GRIN3A: variants seen among roughly 807,000 people sequenced by gnomAD.
GRIN3A encodes glutamate receptor ionotropic, NMDA 3A.
Under a neutral mutation model 92.4 loss-of-function variants are expected in GRIN3A, and 47 were observed. The ratio of observed to expected loss-of-function variants is 0.51; its 90% CI spans 0.40 to 0.65. The LOEUF is 0.65. GRIN3A is among the 30% of genes least tolerant of loss of function. The probability of loss-of-function intolerance (pLI) is 0.00; values close to 1 mark genes in which losing one functional copy is unlikely to be tolerated. For missense variants in GRIN3A, 1,324 were observed against 1,393.1 expected (o/e 0.95, Z 0.79); for synonymous variants, 527 against 540.6 (o/e 0.97, Z 0.35).
intron 5 of GRIN3A, among the ~76,000 whole-genome samples, chr9:101,616,265 C>T (rs60523933): frequency 0.12 from 18,294 of 152,106 alleles, 1,933 homozygotes; most frequent in African/African-American, 0.29. Context: ...GTTGAATTGG[C>T]AACAGCATTC....
intron 6 of GRIN3A, among the ~76,000 whole-genome samples, chr9:101,599,939 A>G (rs1299269791): frequency 6.6e-6 from 1 of 152,196 alleles, no homozygotes; most frequent in Non-Finnish European, 1.5e-5. Context: ...CTGTGGAACT[A>G]CTAGCTCGAG....
intron 3 of GRIN3A, among the ~76,000 whole-genome samples, chr9:101,631,084 G>T (rs900443576): frequency 6.6e-6 from 1 of 152,118 alleles, no homozygotes; most frequent in Admixed American, 6.5e-5. Context: ...ATCTATCACA[G>T]TTGCAGTTTT....
intron 1 of GRIN3A, among the ~76,000 whole-genome samples, chr9:101,734,484 TTAAC>T (rs898469142): frequency 6.6e-6 from 1 of 152,078 alleles, no homozygotes; most frequent in Non-Finnish European, 1.5e-5. Context: ...AAGTATGTAG[TTAAC>T]TAACTTACTT....
At chr9:101,689,732 A>G (rs1484337572) in intron 1 of GRIN3A, among the ~76,000 whole-genome samples, 1 of 143,456 alleles carries the variant, frequency 7.0e-6, no homozygotes, top group Admixed American at 7.4e-5. Context: ...ATACACATGC[A>G]CACACACACA....
intron 1 of GRIN3A, among the ~76,000 whole-genome samples, chr9:101,724,370 T>C (rs1830056834): frequency 1.3e-5 from 2 of 152,044 alleles, no homozygotes; most frequent in Admixed American, 6.5e-5. Flanking sequence ...GCTAAGCCCC[T>C]CATTGCCCAG....
At chr9:101,702,990 A>G (rs1829773444) in intron 1 of GRIN3A, among the ~76,000 whole-genome samples, 2 of 152,320 alleles carry the variant, frequency 1.3e-5, no homozygotes, top group African/African-American at 2.4e-5. Context: ...TTGCTTGTAC[A>G]GTAAGCCTCC....
chr9:101,613,017 C>T (rs1828387731), intron 6 of GRIN3A, among the ~76,000 whole-genome samples: 1 of 152,212 alleles, frequency 6.6e-6, no homozygotes, highest in African/African-American at 2.4e-5. Context: ...TTGAAGTACA[C>T]ATCATGTCCA....
In GRIN3A at chr9:101,737,640, C is replaced by T. The variant is rs369991777; in HGVS notation, c.340G>A (p.Gly114Arg). The T allele has an allele frequency of 7.5e-6, 12 of 1,609,726 alleles. No homozygotes were observed. The highest frequency in any genetic ancestry group is 1.7e-5 in the Admixed American group (1 of 59,788). The change falls in exon 1 of 9, where the codon GGG becomes AGG. Residue 114 changes from glycine to arginine, a missense_variant. Physicochemically the swap from Gly to Arg is moderately radical, Grantham distance 125. Coordinates refer to ENST00000361820, the MANE Select transcript of GRIN3A (RefSeq NM_133445.3). ...GRGPPGSRKPGEGARAEALWP... is the reference protein window; with the variant it reads ...GRGPPGSRKPREGARAEALWP... The stretch of plus-strand genomic sequence containing the variant: ...AGGGCCTCCGCCCTGGCGCCCTCCC[C>T]GGGCTTACGGGAGCCCGGCGGCCCC...
chr9:101,687,126 G>A lies in GRIN3A; in HGVS notation c.774C>T (p.Thr258=). Residue 258 remains threonine (T), a synonymous_variant, in exon 2 of 9, where the codon ACC becomes ACT. Coordinates refer to ENST00000361820, the MANE Select transcript of GRIN3A (RefSeq NM_133445.3). ...AGCTAAAATTGTACCAGTTGTTCATGGTCAGGATTGAGACAGTGACATCAG... is the reference window on the plus strand; with the variant it reads ...AGCTAAAATTGTACCAGTTGTTCATAGTCAGGATTGAGACAGTGACATCAG... ...SDADVTVSIL[T]MNNWYNFSLL... The A allele has an allele frequency of 6.2e-7, 1 of 1,613,904 alleles. No homozygotes were observed. Among genetic ancestry groups the A allele is most frequent in the South Asian group, 1.1e-5 (1 of 91,058 alleles).
At chr9:101,640,876 A>T (rs1828849736) in intron 3 of GRIN3A, among the ~76,000 whole-genome samples, 1 of 152,130 alleles carries the variant, frequency 6.6e-6, no homozygotes, top group African/African-American at 2.4e-5. Flanking sequence ...TTGAGCTGTA[A>T]GTACATTAAA....
chr9:101,586,841 A>C (rs867919441), intron 6 of GRIN3A, among the ~76,000 whole-genome samples: 50 of 152,286 alleles, frequency 3.3e-4, no homozygotes, highest in African/African-American at 1.2e-3. Flanking sequence ...ACTGGATATC[A>C]AAGGTGTTTG....
chr9:101,624,404 GTGA>G, intron 4 of GRIN3A, among the ~76,000 whole-genome samples: 1 of 123,736 alleles, frequency 8.1e-6, no homozygotes, highest in Non-Finnish European at 1.6e-5. Flanking sequence ...TCCCCAGAGT[GTGA>G]TGTTCCCCTT....
intron 3 of GRIN3A, among the ~76,000 whole-genome samples, chr9:101,645,453 C>T (rs982595477): frequency 6.6e-6 from 1 of 151,746 alleles, no homozygotes; most frequent in Non-Finnish European, 1.5e-5. Flanking sequence ...AAGAAACATG[C>T]AGATGCAGAT....
chr9:101,697,619 T>G (rs539225523), intron 1 of GRIN3A, among the ~76,000 whole-genome samples: 70 of 152,340 alleles, frequency 4.6e-4, no homozygotes, highest in Non-Finnish European at 6.6e-4. Flanking sequence ...CTGCATCCAC[T>G]GAAGCCCAGT....
chr9:101,609,194 G>A (rs766077402), intron 6 of GRIN3A, among the ~76,000 whole-genome samples: 2 of 152,182 alleles, frequency 1.3e-5, no homozygotes, highest in Non-Finnish European at 2.9e-5. Flanking sequence ...ACCAATGATA[G>A]GCTTAGACAT....
At chr9:101,650,087 A>T (rs1208358703) in intron 3 of GRIN3A, among the ~76,000 whole-genome samples, 1 of 151,982 alleles carries the variant, frequency 6.6e-6, no homozygotes, top group Non-Finnish European at 1.5e-5. Context: ...TTGGCTACTT[A>T]CCTGTTTATT....
In GRIN3A at chr9:101,579,260, T is replaced by C; in HGVS notation, c.2867A>G (p.Tyr956Cys). ...ILTTIGEHIV[Y>C]RLLLPRIKNK... Reference sequence around the variant, plus strand: ...TTTGATTCGTGGTAGCAGCAGCCTGTATACTATGTGCTCACCAATGGTGGT... The same window carrying C: ...TTTGATTCGTGGTAGCAGCAGCCTGCATACTATGTGCTCACCAATGGTGGT... The change falls in exon 7 of 9, where the codon TAC (tyrosine) becomes TGC (cysteine). Residue 956 changes from tyrosine (Y) to cysteine (C), a missense_variant. Coordinates refer to ENST00000361820, the MANE Select transcript of GRIN3A (RefSeq NM_133445.3). The C allele has an allele frequency of 6.2e-7, 1 of 1,613,990 alleles. No homozygotes were observed. The highest frequency in any genetic ancestry group is 8.5e-7 in the Non-Finnish European group (1 of 1,179,908).
intron 3 of GRIN3A, among the ~76,000 whole-genome samples, chr9:101,654,365 T>G (rs1193273591): frequency 6.8e-6 from 1 of 146,948 alleles, no homozygotes; most frequent in East Asian, 2.0e-4. Context: ...CATTATATAT[T>G]ATACATAATA....
chr9:101,577,849 T>C lies in GRIN3A; in HGVS notation c.2932-5A>G. On this transcript the variant is annotated splice_polypyrimidine_tract_variant and splice_region_variant and intron_variant, in intron 7 of 8. Coordinates refer to ENST00000361820, the MANE Select transcript of GRIN3A (RefSeq NM_133445.3). ...ATTTATTGCTCTGTGTAATCTCTGA[T>C]GGAGAAAACAGATTCACAGGTAGAA... 1.2e-6 allele frequency: 2 copies of C among 1,604,320 alleles called. No homozygotes were observed. Among genetic ancestry groups the C allele is most frequent in the Non-Finnish European group, 1.7e-6 (2 of 1,172,428 alleles).
Sources: allele counts gnomAD v4.1 joint callset (sites outside exome capture counted in the v4.1 genomes callset), GRCh38; gene constraint gnomAD v4.1.1; transcripts MANE v1.5; gene names NCBI Gene and HGNC (gene_info 2026-07-23, HGNC 2026-07-21).